Variants in NDUFS1 observed in about 807,000 individuals in gnomAD.
NDUFS1 encodes the protein NADH-ubiquinone oxidoreductase 75 kDa subunit, mitochondrial.
NDUFS1 carries 61 observed loss-of-function variants against 84.4 expected under a neutral mutation model. That is an observed-to-expected ratio of 0.72 (90% CI 0.59 to 0.89). NDUFS1 has a LOEUF of 0.89. NDUFS1 is among the 40% of genes least tolerant of loss of function. The pLI is 0.00. For missense variants in NDUFS1, 891 were observed against 890.0 expected, an observed-to-expected ratio of 1.00 and a Z score of -0.01; for synonymous variants, 275 against 290.0, an observed-to-expected ratio of 0.95 and a Z score of 0.53.
chr2:206,118,204 T>G lies in NDUFS1; in HGVS notation c.*5981A>C, dbSNP rs745851819. On this transcript the variant is annotated 3_prime_UTR_variant, in exon 19 of 19. Coordinates refer to ENST00000233190, the MANE Select transcript of NDUFS1 (RefSeq NM_005006.7). The stretch of plus-strand genomic sequence containing the variant: ...GGGTATTTGGTTTTGAGATCCTTGT[T>G]CTCTTAAAATCTGTGATCTGAAATC... The G allele has an allele frequency of 7.2e-5, 11 of 152,232 alleles. No individual in the cohort carries two copies. Among genetic ancestry groups the G allele is most frequent in the Non-Finnish European group, 1.5e-4 (10 of 68,044 alleles). 9.4% of individuals were successfully genotyped at this position (152,232 alleles called of 1,614,324 possible). A position where few individuals can be genotyped will look rare whatever the true frequency, so the allele number is the denominator to read the frequency against.
At chr2:206,140,179 TA>T (rs1489841820) in intron 12 of NDUFS1, among the ~76,000 whole-genome samples, 5 of 152,128 alleles carry the variant, frequency 3.3e-5, no homozygotes, top group African/African-American at 9.7e-5. Context: ...ATCCTGTCTC[TA>T]CAAAAGGTAT....
chr2:206,125,187 G>T (rs1691243466), intron 18 of NDUFS1, among the ~76,000 whole-genome samples: 1 of 151,956 alleles, frequency 6.6e-6, no homozygotes, highest in Non-Finnish European at 1.5e-5. Context: ...ATAGGCCAGG[G>T]GTGGTGGCTC....
intron 12 of NDUFS1, among the ~76,000 whole-genome samples, chr2:206,141,459 G>A (rs1311019678): frequency 6.6e-6 from 1 of 151,856 alleles, no homozygotes; most frequent in African/African-American, 2.4e-5. Flanking sequence ...GTGAACCCGG[G>A]AGGCGGAGCT....
rs1690946801 is a variant in NDUFS1 at position 206,116,491 on chromosome 2, G to A, written c.*7694C>T. On this transcript the variant is annotated 3_prime_UTR_variant, in exon 19 of 19. Transcript: ENST00000233190. ...ACGGCCCGCACGCTCCGCACCACTC[G>A]CAGCGCCATGTTCCCAGGGGTGCGG... 8 of 1,210,082 alleles carry A rather than the reference G, an allele frequency of 6.6e-6. No homozygotes were observed. Among genetic ancestry groups the A allele is most frequent in the Admixed American group, 2.0e-5 (1 of 50,180 alleles). The allele number at this position is 1,210,082 out of a possible 1,614,324, so 75.0% of individuals were successfully genotyped here.
chr2:206,130,054 C>G (rs754651203), intron 15 of NDUFS1, 34 bp downstream of exon 15: 2 of 1,611,444 alleles, frequency 1.2e-6, no homozygotes, highest in South Asian at 2.2e-5. Flanking sequence ...ATGTACTACT[C>G]TCTTTTGTTT....
intron 1 of NDUFS1, among the ~76,000 whole-genome samples, chr2:206,156,328 T>C (rs1687653038): frequency 6.6e-6 from 1 of 150,396 alleles, no homozygotes; most frequent in African/African-American, 2.4e-5. Flanking sequence ...GTCTCAACAC[T>C]TTGGGAGGCC....
rs1054513385 is a variant in NDUFS1 at position 206,121,112 on chromosome 2, T to C, written c.*3073A>G. The C allele has an allele frequency of 6.6e-6, 1 of 152,258 alleles. No homozygotes were observed. Among genetic ancestry groups the C allele is most frequent in the African/African-American group, 2.4e-5 (1 of 41,470 alleles). The allele number at this position is 152,258 out of a possible 1,614,324, so 9.4% of individuals were successfully genotyped here. ...TTTTGTGAAGAATAGTCTTAATGTA[T>C]TTAAAGCTTTAATGGCACTTATTTA... On this transcript the variant is annotated 3_prime_UTR_variant, in exon 19 of 19. Coordinates refer to ENST00000233190, the MANE Select transcript of NDUFS1 (RefSeq NM_005006.7).
At chr2:206,159,119 C>T (rs749983326) in intron 1 of NDUFS1, 9 of 1,535,580 alleles carry the variant, frequency 5.9e-6, no homozygotes, top group South Asian at 1.2e-5. Context: ...TTCCCGAGGA[C>T]CCCCTGATCC....
rs1330472590 is a variant in NDUFS1, at chr2:206,147,848, G to T, written c.339-14C>A. Reference sequence around the variant, plus strand: ...ATCACACCTTCCCTGTATGAAAATTGTAACATATAAAATGACTCTCAAATA... The same window carrying T: ...ATCACACCTTCCCTGTATGAAAATTTTAACATATAAAATGACTCTCAAATA... On this transcript the variant is annotated splice_polypyrimidine_tract_variant and intron_variant, in intron 5 of 18. Coordinates refer to ENST00000233190, the MANE Select transcript of NDUFS1 (RefSeq NM_005006.7). 1.9e-6 allele frequency: 3 copies of T among 1,604,024 alleles called. No homozygotes were observed. The highest frequency in any genetic ancestry group is 1.7e-6 in the Non-Finnish European group (2 of 1,171,094).
rs774253253 is a variant in NDUFS1, at chr2:206,142,057, A to T, written c.1146T>A (p.Arg382=). 14 of 1,599,486 alleles carry T rather than the reference A, an allele frequency of 8.8e-6. No homozygotes were observed. In the South Asian group the frequency reaches 1.5e-4, roughly 18 times the overall value. ...FPTAGAGTDL[R]SNYLLNTTIA... ...TTGTAGTATTAAGAAGATAATTGGA[A>T]CGCAAATCTGTGCTAGAAATACAAT... The change falls in exon 12 of 19, where the codon CGT becomes CGA. Residue 382 remains arginine (R), a synonymous_variant. Coordinates refer to ENST00000233190, the MANE Select transcript of NDUFS1 (RefSeq NM_005006.7).
rs1424223313 is a variant in NDUFS1, at chr2:206,124,147, T to A, written c.*38A>T. 1 of 1,340,426 alleles carries A rather than the reference T, an allele frequency of 7.5e-7. No homozygotes were observed. The highest frequency in any genetic ancestry group is 1.1e-6 in the Non-Finnish European group (1 of 930,376). The allele number at this position is 1,340,426 out of a possible 1,614,324, so 83.0% of individuals were successfully genotyped here. On this transcript the variant is annotated 3_prime_UTR_variant, in exon 19 of 19. Transcript: ENST00000233190. The stretch of plus-strand genomic sequence containing the variant: ...GGATCACTGCACTACAGTTGTCCAT[T>A]AATTATCTGCGGCAAAACTGGGATC...
At chr2:206,153,555 G>T (rs976928221) in intron 2 of NDUFS1, 63 bp downstream of exon 2, 17 of 979,288 alleles carry the variant, frequency 1.7e-5, no homozygotes, top group Admixed American at 3.7e-5. Context: ...CTATGCCATA[G>T]ACTTATAAAT....
chr2:206,124,027 A>C lies in NDUFS1; in HGVS notation c.*158T>G. 1.6e-6 allele frequency: 1 copy of C among 617,614 alleles called. No individual in the cohort carries two copies. The highest frequency in any genetic ancestry group is 2.8e-6 in the Non-Finnish European group (1 of 351,496). 38.3% of individuals were successfully genotyped at this position (617,614 alleles called of 1,614,324 possible). ...ATGTTTTTCAAACTGCAAAGTTGATAACTAATATCATTTTCAAATAGGCAT... is the reference window on the plus strand; with the variant it reads ...ATGTTTTTCAAACTGCAAAGTTGATCACTAATATCATTTTCAAATAGGCAT... On this transcript the variant is annotated 3_prime_UTR_variant, in exon 19 of 19. Transcript: ENST00000233190.
chr2:206,124,650 T>C (rs1282314613), intron 18 of NDUFS1, among the ~76,000 whole-genome samples: 1 of 151,984 alleles, frequency 6.6e-6, no homozygotes, highest in East Asian at 1.9e-4. Flanking sequence ...CCATCCTGGC[T>C]AACACAGTGA....
rs973301805 is a variant in NDUFS1, at chr2:206,152,861, C to T, written c.62-351G>A. Among the ~76,000 whole-genome samples, 10 of 151,854 alleles carry T rather than the reference C, an allele frequency of 6.6e-5. No homozygotes were observed. In the South Asian group the frequency reaches 8.3e-4, roughly 13 times the overall value. ...CTGGGATTACAGGAACTCACCACCACGCCCGCTAATTTTTGTATTTTTAGT... is the reference window on the plus strand; with the variant it reads ...CTGGGATTACAGGAACTCACCACCATGCCCGCTAATTTTTGTATTTTTAGT... On this transcript the variant is annotated intron_variant, in intron 2 of 18. Coordinates refer to ENST00000233190, the MANE Select transcript of NDUFS1 (RefSeq NM_005006.7).
Position 206,136,173 on chromosome 2 carries a change from C to A in NDUFS1, c.1392+2312G>T, listed in dbSNP as rs538587468. On this transcript the variant is annotated intron_variant, in intron 13 of 18. Transcript: ENST00000233190. Reference sequence around the variant, plus strand: ...TCAAGTGATTCTCTTGCCCCAGCCTCTCAAGTAGCTGGGATTACAGGCCAC... The same window carrying A: ...TCAAGTGATTCTCTTGCCCCAGCCTATCAAGTAGCTGGGATTACAGGCCAC... Among the ~76,000 whole-genome samples, 21 of 151,676 alleles carry A rather than the reference C, an allele frequency of 1.4e-4. No individual in the cohort carries two copies. In the South Asian group the frequency reaches 4.4e-3, roughly 32 times the overall value.
intron 15 of NDUFS1, among the ~76,000 whole-genome samples, chr2:206,128,691 G>C (rs1691388809): frequency 6.6e-6 from 1 of 151,618 alleles, no homozygotes; most frequent in Non-Finnish European, 1.5e-5. Flanking sequence ...TGAGGCATGA[G>C]AATCGTTTGA....
In NDUFS1 at chr2:206,124,285, T is replaced by C. The variant is rs376205138; in HGVS notation, c.2093-9A>G. 4.4e-6 allele frequency: 7 copies of C among 1,593,876 alleles called. No individual in the cohort carries two copies. Among genetic ancestry groups the C allele is most frequent in the African/African-American group, 1.3e-5 (1 of 74,454 alleles). ...GGCTCTGCTAATTGAATCTGAAAGA[T>C]ATTAAGAAAATGTCATTTTGATAAT... On this transcript the variant is annotated splice_polypyrimidine_tract_variant and intron_variant, in intron 18 of 18. Transcript: ENST00000233190.
intron 18 of NDUFS1, among the ~76,000 whole-genome samples, chr2:206,124,535 A>G (rs143786319): frequency 2.0e-5 from 3 of 152,268 alleles, no homozygotes; most frequent in African/African-American, 7.2e-5. Flanking sequence ...AAAATTATAG[A>G]AAAGTATTAA....
Sources: allele counts gnomAD v4.1 joint callset (sites outside exome capture counted in the v4.1 genomes callset), GRCh38; gene constraint gnomAD v4.1.1; transcripts MANE v1.5; gene names NCBI Gene and HGNC (gene_info 2026-07-23, HGNC 2026-07-21).